Variants in CDH8 observed in about 807,000 individuals in gnomAD.
The protein encoded by CDH8 is cadherin-8.
A neutral mutation model predicts 68.1 loss-of-function variants in CDH8; 17 were observed. The observed-to-expected ratio is 0.25, with a 90% CI of 0.17 to 0.37. The LOEUF (loss-of-function observed/expected upper bound fraction) is 0.37, where lower values mean the gene tolerates loss of function less well. Among genes scored for constraint, CDH8 ranks in the 10% least tolerant of loss-of-function variants. CDH8 has a pLI of 1.00. For synonymous variants in CDH8, 372 were observed against 365.1 expected (o/e 1.02, Z -0.21); for missense variants, 763 against 999.3 (o/e 0.76, Z 3.19).
intron 3 of CDH8, among the ~76,000 whole-genome samples, chr16:61,885,363 C>G (rs139485761): frequency 6.6e-6 from 1 of 152,012 alleles, no homozygotes; most frequent in Admixed American, 6.6e-5. Flanking sequence ...AATATGTACG[C>G]GGAACAAAAA....
At chr16:61,782,472 A>T (rs1260726176) in intron 8 of CDH8, among the ~76,000 whole-genome samples, 1 of 152,086 alleles carries the variant, frequency 6.6e-6, no homozygotes, top group Non-Finnish European at 1.5e-5. Context: ...CTAGCACAGC[A>T]GTCTGAGATC....
chr16:61,858,515 T>G (rs1244785132), intron 3 of CDH8, among the ~76,000 whole-genome samples: 1 of 152,196 alleles, frequency 6.6e-6, no homozygotes, highest in East Asian at 1.9e-4. Context: ...ATACCTTTAC[T>G]CATTGAATAA....
intron 10 of CDH8, chr16:61,693,674 C>T (rs542848336): frequency 6.6e-6 from 1 of 151,908 alleles, no homozygotes; most frequent in African/African-American, 2.4e-5. Context: ...TATTTCATGC[C>T]AGTGTGGGGC....
chr16:61,712,224 A>G (rs973429587), intron 10 of CDH8, among the ~76,000 whole-genome samples: 1 of 151,706 alleles, frequency 6.6e-6, no homozygotes, highest in African/African-American at 2.4e-5. Context: ...GTAGAATTAA[A>G]TCTCCTGTTT....
intron 9 of CDH8, among the ~76,000 whole-genome samples, chr16:61,718,814 T>C (rs1395960790): frequency 6.6e-6 from 1 of 151,090 alleles, no homozygotes; most frequent in African/African-American, 2.4e-5. Flanking sequence ...ATGATGTCCA[T>C]AACTGAATAA....
chr16:61,857,837 C>T (rs1017912427), intron 3 of CDH8, among the ~76,000 whole-genome samples: 14 of 151,856 alleles, frequency 9.2e-5, no homozygotes, highest in African/African-American at 3.1e-4. Flanking sequence ...TGAGCATATA[C>T]AGTTTGCCTG....
intron 1 of CDH8, among the ~76,000 whole-genome samples, chr16:62,026,968 C>A (rs934485471): frequency 2.6e-5 from 4 of 152,204 alleles, no homozygotes; most frequent in Non-Finnish European, 1.5e-5. Flanking sequence ...AACTGCTTAA[C>A]TTGATGCAAG....
intron 2 of CDH8, chr16:61,918,387 A>T (rs142488570): frequency 6.4e-6 from 1 of 155,740 alleles, no homozygotes; most frequent in African/African-American, 2.4e-5. Context: ...TGATTTCTGC[A>T]TTTCCATCTG....
At chr16:61,952,026 A>T (rs1964906465) in intron 2 of CDH8, among the ~76,000 whole-genome samples, 2 of 152,192 alleles carry the variant, frequency 1.3e-5, no homozygotes, top group South Asian at 4.1e-4. Context: ...ATTATCGAAG[A>T]CAGTGGCCAT....
chr16:62,012,761 G>C (rs189868078), intron 2 of CDH8, among the ~76,000 whole-genome samples: 5 of 151,950 alleles, frequency 3.3e-5, no homozygotes, highest in Non-Finnish European at 7.4e-5. Context: ...ATTGCTTTGC[G>C]GTATAGTTAC....
chr16:62,035,741 C>A (rs1471995489), intron 1 of CDH8, among the ~76,000 whole-genome samples: 2 of 152,078 alleles, frequency 1.3e-5, no homozygotes, highest in South Asian at 2.1e-4. Flanking sequence ...CGCCTGCCTG[C>A]GTTGGGAAGC....
intron 2 of CDH8, 119 bp from the exon 3 acceptor site, chr16:61,901,592 T>C: frequency 1.5e-6 from 1 of 661,414 alleles, no homozygotes; most frequent in Non-Finnish European, 2.6e-6. Flanking sequence ...TTTCTGCTAA[T>C]AGTAGCTGTA....
intron 8 of CDH8, among the ~76,000 whole-genome samples, chr16:61,766,562 A>G (rs934174677): frequency 3.2e-4 from 49 of 152,048 alleles, no homozygotes; most frequent in Middle Eastern, 3.4e-3. Flanking sequence ...AGAAATCTCC[A>G]TATTGTTTTC....
intron 8 of CDH8, 31 bp from the exon 9 acceptor site, chr16:61,727,246 G>A: frequency 6.4e-7 from 1 of 1,572,812 alleles, no homozygotes; most frequent in Non-Finnish European, 8.6e-7. Flanking sequence ...CATCAGCATT[G>A]AGGGTATTTC....
intron 8 of CDH8, among the ~76,000 whole-genome samples, chr16:61,733,543 A>C (rs1959594736): frequency 6.6e-6 from 1 of 152,058 alleles, no homozygotes; most frequent in South Asian, 2.1e-4. Flanking sequence ...CAAATAAAGT[A>C]AAAAGACACT....
At chr16:61,947,196 A>T (rs1196199115) in intron 2 of CDH8, among the ~76,000 whole-genome samples, 1 of 148,496 alleles carries the variant, frequency 6.7e-6, no homozygotes, top group Non-Finnish European at 1.5e-5. Context: ...AGTATATTTG[A>T]CTTAAGATTG....
intron 2 of CDH8, among the ~76,000 whole-genome samples, chr16:61,935,916 A>G (rs562153023): frequency 6.6e-6 from 1 of 152,284 alleles, no homozygotes; most frequent in East Asian, 1.9e-4. Context: ...GCTGGGAGCT[A>G]GATCTTAAGA....
chr16:61,745,256 G>A (rs1959988798), intron 8 of CDH8, among the ~76,000 whole-genome samples: 1 of 151,644 alleles, frequency 6.6e-6, no homozygotes, highest in Admixed American at 6.6e-5. Context: ...CTGCTTTTGA[G>A]ACCTTAATTT....
chr16:61,693,114 T>C (rs1457964672), intron 10 of CDH8: 1 of 152,118 alleles, frequency 6.6e-6, no homozygotes, highest in African/African-American at 2.4e-5. Flanking sequence ...AACAAAACAA[T>C]GGCAACAAAA....
Sources: allele counts gnomAD v4.1 joint callset (sites outside exome capture counted in the v4.1 genomes callset), GRCh38; gene constraint gnomAD v4.1.1; transcripts MANE v1.5; gene names NCBI Gene and HGNC (gene_info 2026-07-23, HGNC 2026-07-21).